Variants in FMN1 observed in about 807,000 individuals in gnomAD.
The protein encoded by FMN1 is formin-1.
Under a neutral mutation model 132.4 loss-of-function variants are expected in FMN1, and 110 were observed. The observed-to-expected ratio is 0.83, with a 90% CI of 0.71 to 0.97. FMN1 has a LOEUF of 0.97. FMN1 is among the 50% of genes least tolerant of loss of function. FMN1 has a pLI of 0.00. For missense variants in FMN1, 1,792 were observed against 1,705.3 expected, an observed-to-expected ratio of 1.05 and a Z score of -0.90; for synonymous variants, 722 against 651.7, an observed-to-expected ratio of 1.11 and a Z score of -1.64.
intron 16 of FMN1, among the ~76,000 whole-genome samples, chr15:32,875,378 T>A (rs2059614008): frequency 6.6e-6 from 1 of 152,188 alleles, no homozygotes; most frequent in African/African-American, 2.4e-5. Context: ...GAATGCTTTG[T>A]CAACTGTAAG....
At chr15:33,068,863 A>C (rs1448557040) in intron 5 of FMN1, among the ~76,000 whole-genome samples, 2 of 152,156 alleles carry the variant, frequency 1.3e-5, no homozygotes, top group African/African-American at 4.8e-5. Context: ...CGCAGGAATG[A>C]TTACCCTCTA....
chr15:32,912,572 G>C (rs1411444063), intron 10 of FMN1, among the ~76,000 whole-genome samples: 5 of 152,176 alleles, frequency 3.3e-5, no homozygotes, highest in Non-Finnish European at 7.4e-5. Flanking sequence ...GTAAAACAGA[G>C]AAATGTACAA....
intron 4 of FMN1, among the ~76,000 whole-genome samples, chr15:33,151,542 T>C (rs778046133): frequency 1.3e-5 from 2 of 152,188 alleles, no homozygotes; most frequent in Non-Finnish European, 1.5e-5. Context: ...GGAGCTTTTA[T>C]GATATTTTTC....
chr15:32,861,218 T>C (rs2059260312), intron 16 of FMN1, among the ~76,000 whole-genome samples: 1 of 152,228 alleles, frequency 6.6e-6, no homozygotes, highest in Non-Finnish European at 1.5e-5. Flanking sequence ...ATCGAACGCC[T>C]GACAATAACT....
At chr15:32,859,648 C>T (rs2059217579) in intron 16 of FMN1, among the ~76,000 whole-genome samples, 1 of 152,210 alleles carries the variant, frequency 6.6e-6, no homozygotes, top group Non-Finnish European at 1.5e-5. Context: ...ATGTAAAAGT[C>T]CATACATTAA....
intron 7 of FMN1, among the ~76,000 whole-genome samples, chr15:32,996,103 G>C (rs922677709): frequency 1.3e-5 from 2 of 152,182 alleles, no homozygotes; most frequent in African/African-American, 4.8e-5. Flanking sequence ...ATGATAGATA[G>C]GTCATCTACC....
chr15:33,115,975 G>A (rs563122399), intron 4 of FMN1, among the ~76,000 whole-genome samples: 1 of 152,256 alleles, frequency 6.6e-6, no homozygotes, highest in East Asian at 1.9e-4. Context: ...AAGTTTCTCA[G>A]GTAGCTTTGG....
intron 7 of FMN1, among the ~76,000 whole-genome samples, chr15:32,995,077 T>C (rs2033683270): frequency 6.6e-6 from 1 of 152,022 alleles, no homozygotes; most frequent in African/African-American, 2.4e-5. Flanking sequence ...AATTGTAAAA[T>C]ACTCAGCCTA....
At chr15:32,997,157 C>T (rs1371163592) in intron 7 of FMN1, among the ~76,000 whole-genome samples, 1 of 152,142 alleles carries the variant, frequency 6.6e-6, no homozygotes, top group African/African-American at 2.4e-5. Context: ...TCAAACTGGG[C>T]TCAGGACCAG....
At chr15:32,889,994 C>T (rs1176024057) in intron 15 of FMN1, among the ~76,000 whole-genome samples, 1 of 152,224 alleles carries the variant, frequency 6.6e-6, no homozygotes, top group Non-Finnish European at 1.5e-5. Flanking sequence ...CATAGCTTAG[C>T]TACCACATAT....
chr15:32,911,526 C>T (rs1054919356), intron 10 of FMN1, among the ~76,000 whole-genome samples: 1 of 152,028 alleles, frequency 6.6e-6, no homozygotes. Context: ...AAGGTGGGGA[C>T]CAAGGTAAGG....
chr15:32,817,111 C>A (rs1261777910), intron 17 of FMN1, among the ~76,000 whole-genome samples: 2 of 152,308 alleles, frequency 1.3e-5, no homozygotes, highest in South Asian at 2.1e-4. Context: ...GATCTATTTA[C>A]ACGAAACCTC....
chr15:33,118,288 C>T (rs2040005382), intron 4 of FMN1, among the ~76,000 whole-genome samples: 1 of 152,082 alleles, frequency 6.6e-6, no homozygotes. Flanking sequence ...TAATAACTTT[C>T]CTTATAGTTT....
chr15:32,893,377 T>TGTGTGCACGCTC (rs1555488055), intron 15 of FMN1, among the ~76,000 whole-genome samples: 2 of 152,200 alleles, frequency 1.3e-5, no homozygotes, highest in African/African-American at 4.8e-5. Context: ...TGCGTGTGTG[T>TGTGTGCACGCTC]GTGTGCGCGC....
chr15:32,950,468 A>T (rs1006351525), intron 9 of FMN1, among the ~76,000 whole-genome samples: 3 of 152,172 alleles, frequency 2.0e-5, no homozygotes, highest in African/African-American at 4.8e-5. Flanking sequence ...ACTGGATTTT[A>T]AAAAATGTGG....
chr15:33,192,560 A>T lies in FMN1; in HGVS notation c.-197+1349T>A, dbSNP rs186887329. 7.2e-5 allele frequency among the ~76,000 whole-genome samples: 11 copies of T among 152,340 alleles called. No homozygotes were observed. In the East Asian group the frequency reaches 2.1e-3, roughly 29 times the overall value. ...AAAGCTGCATCTTTAACGTATCTCA[A>T]CTAAGAATCGGCTAAGTACTTGTGA... On this transcript the variant is annotated intron_variant, in intron 2 of 20. Transcript: ENST00000616417.
chr15:33,048,182 T>A (rs2036779442), intron 6 of FMN1, among the ~76,000 whole-genome samples: 1 of 152,200 alleles, frequency 6.6e-6, no homozygotes, highest in Non-Finnish European at 1.5e-5. Flanking sequence ...GTTTGTTAAA[T>A]GCTTTAAGGT....
At chr15:33,160,354 G>A (rs988278624) in intron 3 of FMN1, among the ~76,000 whole-genome samples, 9 of 152,108 alleles carry the variant, frequency 5.9e-5, no homozygotes, top group African/African-American at 2.2e-4. Context: ...TTGACTAGCT[G>A]GTTGTTTCAA....
At chr15:32,895,850 TTAAAA>T (rs2060141752) in intron 15 of FMN1, among the ~76,000 whole-genome samples, 1 of 152,172 alleles carries the variant, frequency 6.6e-6, no homozygotes, top group Non-Finnish European at 1.5e-5. Context: ...CTACAGTATT[TTAAAA>T]TTTTAATTAG....
Sources: gnomAD v4.1 joint callset for allele counts (sites outside exome capture counted in the v4.1 genomes callset) on GRCh38, gnomAD v4.1.1 for gene constraint, MANE v1.5 for transcripts, NCBI Gene and HGNC (gene_info 2026-07-23, HGNC 2026-07-21) for gene names.